Variants in XPR1 observed in about 807,000 individuals in gnomAD.
XPR1 encodes xenotropic and polytropic retrovirus receptor 1, also known as solute carrier family 53 member 1.
XPR1 carries 28 observed loss-of-function variants against 87.5 expected under a neutral mutation model. The ratio of observed to expected loss-of-function variants is 0.32; its 90% confidence interval spans 0.24 to 0.44. The LOEUF (loss-of-function observed/expected upper bound fraction) is 0.44. XPR1 is among the 20% of genes least tolerant of loss of function. The probability of loss-of-function intolerance (pLI) is 1.00; values close to 1 mark genes in which losing one functional copy is unlikely to be tolerated. For missense variants in XPR1, 559 were observed against 862.3 expected (o/e 0.65, Z 4.41); for synonymous variants, 300 against 306.1 (o/e 0.98, Z 0.21).
chr1:180,775,584 A>G (rs1298771763), intron 2 of XPR1, among the ~76,000 whole-genome samples: 1 of 152,268 alleles, frequency 6.6e-6, no homozygotes, highest in Non-Finnish European at 1.5e-5. Context: ...AAAAAGAACT[A>G]GGATTACTAA....
chr1:180,811,488 G>T lies in XPR1; in HGVS notation c.763G>T (p.Ala255Ser). 1.2e-6 allele frequency: 2 copies of T among 1,608,362 alleles called. No homozygotes were observed. Among genetic ancestry groups the T allele is most frequent in the Non-Finnish European group, 1.7e-6 (2 of 1,176,310 alleles). ...ACTGAATATTACCCTTGTGCTTGCC[G>T]GTAAGTAGTTTAAATTTTGAATTAA... ...IVLNITLVLA[A>S]VFKLETDRSI... The change falls in exon 7 of 15, where the codon GCT becomes TCT. Residue 255 changes from alanine to serine, a missense_variant and splice_region_variant. Around this residue, in one of 7 missense-constraint regions of XPR1, gnomAD observed 39 missense variants for 38.5 expected, o/e 1.01. Transcript: ENST00000367590.
At chr1:180,848,299 C>T (rs145804446) in intron 11 of XPR1, among the ~76,000 whole-genome samples, 1,683 of 152,228 alleles carry the variant, frequency 0.011, 19 homozygotes, top group Non-Finnish European at 0.017. Context: ...TTTAACAAAT[C>T]TCTCCCTATC....
intron 12 of XPR1, among the ~76,000 whole-genome samples, chr1:180,864,764 A>T (rs987839581): frequency 6.6e-6 from 1 of 152,194 alleles, no homozygotes; most frequent in African/African-American, 2.4e-5. Flanking sequence ...GTAAAGGATA[A>T]ATACCATGAT....
rs139942225 is a variant in XPR1, at chr1:180,880,289, C to G, written c.2022C>G (p.Leu674=). 2 of 1,614,060 alleles carry G rather than the reference C, an allele frequency of 1.2e-6. No homozygotes were observed. The highest frequency in any genetic ancestry group is 1.7e-5 in the Admixed American group (1 of 59,998). ...NQSISLRRPR[L]ASQSKARDTK... Reference sequence around the variant, plus strand: ...GCATATCCCTGCGCCGGCCTCGCCTCGCTTCTCAGTATGTATGGCTTCTAC... The same window carrying G: ...GCATATCCCTGCGCCGGCCTCGCCTGGCTTCTCAGTATGTATGGCTTCTAC... The change falls in exon 14 of 15, where the codon CTC becomes CTG. Residue 674 remains leucine, a synonymous_variant. Coordinates refer to ENST00000367590, the MANE Select transcript of XPR1 (RefSeq NM_004736.4).
chr1:180,768,280 T>C (rs1352708351), intron 2 of XPR1, among the ~76,000 whole-genome samples: 1 of 152,200 alleles, frequency 6.6e-6, no homozygotes, highest in Non-Finnish European at 1.5e-5. Context: ...TTATGTCCTG[T>C]TCATATCTTT....
At chr1:180,647,301 A>G (rs185431266) in intron 1 of XPR1, among the ~76,000 whole-genome samples, 10 of 152,324 alleles carry the variant, frequency 6.6e-5, no homozygotes, top group African/African-American at 2.2e-4. Context: ...TAGATTTTAT[A>G]TAAACATTGT....
chr1:180,795,596 C>T (rs1391061162), intron 3 of XPR1, among the ~76,000 whole-genome samples: 1 of 152,054 alleles, frequency 6.6e-6, no homozygotes, highest in Non-Finnish European at 1.5e-5. Flanking sequence ...TTGTTTGAAC[C>T]TGACTACTTA....
intron 1 of XPR1, among the ~76,000 whole-genome samples, chr1:180,647,327 T>C (rs1482770810): frequency 1.3e-5 from 2 of 152,228 alleles, no homozygotes; most frequent in African/African-American, 4.8e-5. Flanking sequence ...TAGCCTACAC[T>C]AAATTCATAA....
At chr1:180,874,138 A>T in intron 13 of XPR1, 196 bp downstream of exon 13, 1 of 589,108 alleles carries the variant, frequency 1.7e-6, no homozygotes, top group Admixed American at 3.4e-5. Flanking sequence ...CAGTTGATCC[A>T]CCCACCTCGG....
intron 6 of XPR1, among the ~76,000 whole-genome samples, chr1:180,809,440 C>T (rs556096625): frequency 1.3e-5 from 2 of 152,228 alleles, no homozygotes; most frequent in Admixed American, 1.3e-4. Context: ...GTCAGTAAAG[C>T]AGTTTTTAAA....
chr1:180,854,648 C>T (rs1651974824), intron 11 of XPR1, among the ~76,000 whole-genome samples: 1 of 152,260 alleles, frequency 6.6e-6, no homozygotes, highest in East Asian at 1.9e-4. Context: ...GGAGTTTGGC[C>T]ACAGTGTCAG....
At chr1:180,648,700 G>T (rs964519336) in intron 1 of XPR1, among the ~76,000 whole-genome samples, 2 of 152,124 alleles carry the variant, frequency 1.3e-5, no homozygotes, top group Non-Finnish European at 2.9e-5. Context: ...TAGAGATGGG[G>T]TTTCACCATG....
intron 11 of XPR1, among the ~76,000 whole-genome samples, chr1:180,839,446 C>T (rs890014583): frequency 1.3e-5 from 2 of 152,118 alleles, no homozygotes; most frequent in African/African-American, 4.8e-5. Context: ...TACACATTTA[C>T]CAGTGCAATA....
At chr1:180,837,712 A>G (rs1651348761) in intron 11 of XPR1, among the ~76,000 whole-genome samples, 1 of 152,164 alleles carries the variant, frequency 6.6e-6, no homozygotes, top group Non-Finnish European at 1.5e-5. Flanking sequence ...ATTCTTGTTA[A>G]ATGATATAAT....
intron 7 of XPR1, among the ~76,000 whole-genome samples, chr1:180,812,434 A>G (rs1650251508): frequency 1.3e-5 from 2 of 152,164 alleles, no homozygotes; most frequent in African/African-American, 4.8e-5. Flanking sequence ...ACTTACACAG[A>G]CAAAAGATAC....
intron 11 of XPR1, among the ~76,000 whole-genome samples, 166 bp downstream of exon 11, chr1:180,836,882 A>C (rs1051906552): frequency 1.3e-5 from 2 of 152,128 alleles, no homozygotes; most frequent in African/African-American, 4.8e-5. Context: ...TTTTAGTCTC[A>C]TTCCAGTATC....
chr1:180,779,513 G>C (rs1648854680), intron 2 of XPR1, among the ~76,000 whole-genome samples: 1 of 152,054 alleles, frequency 6.6e-6, no homozygotes, highest in African/African-American at 2.4e-5. Context: ...CCAGCATTTT[G>C]GGAGGCTGAG....
chr1:180,790,842 A>C (rs190839767), intron 3 of XPR1, among the ~76,000 whole-genome samples: 1 of 152,138 alleles, frequency 6.6e-6, no homozygotes, highest in Non-Finnish European at 1.5e-5. Flanking sequence ...TGCACAGCCA[A>C]AATATAAATA....
intron 2 of XPR1, among the ~76,000 whole-genome samples, chr1:180,750,110 G>A (rs374256292): frequency 3.3e-5 from 5 of 152,092 alleles, no homozygotes; most frequent in African/African-American, 1.2e-4. Flanking sequence ...AGAAATTGAA[G>A]TAATTTAATT....
Sources: allele counts gnomAD v4.1 joint callset (sites outside exome capture counted in the v4.1 genomes callset), GRCh38; gene constraint gnomAD v4.1.1; regional missense constraint gnomAD v4.1.1; transcripts MANE v1.5; gene names NCBI Gene and HGNC (gene_info 2026-07-23, HGNC 2026-07-21).